GEN1: variants seen among roughly 807,000 people sequenced by gnomAD.
GEN1 encodes the protein GEN1 structure-specific endonuclease.
Under a neutral mutation model 67.6 loss-of-function variants are expected in GEN1, and 64 were observed. The ratio of observed to expected loss-of-function variants is 0.95; its 90% CI spans 0.77 to 1.17. The LOEUF is 1.17. GEN1 is among the 50% of genes most tolerant of loss of function. GEN1 has a pLI of 0.00. For synonymous variants in GEN1, 371 were observed against 359.4 expected (o/e 1.03, Z -0.37); for missense variants, 1,058 against 1,048.3 (o/e 1.01, Z -0.13).
upstream of GEN1, chr2:17,754,116 G>T (rs1248904651): frequency 6.6e-6 from 1 of 152,364 alleles, no homozygotes; most frequent in African/African-American, 2.4e-5. Flanking sequence ...TCCCGGAAGA[G>T]GCGGGGCCGC....
chr2:17,760,643 C>T (rs990165033), intron 2 of GEN1, among the ~76,000 whole-genome samples: 2 of 152,216 alleles, frequency 1.3e-5, no homozygotes, highest in East Asian at 3.9e-4. Flanking sequence ...GTGGTTTGGC[C>T]GCGTGCAGTG....
At chr2:17,776,964 C>T (rs1672461928) in intron 11 of GEN1, among the ~76,000 whole-genome samples, 1 of 152,112 alleles carries the variant, frequency 6.6e-6, no homozygotes, top group South Asian at 2.1e-4. Context: ...CTGTCTACTA[C>T]AAATACAAAA....
At chr2:17,762,965 A>G (rs936711228) in intron 3 of GEN1, among the ~76,000 whole-genome samples, 6 of 152,214 alleles carry the variant, frequency 3.9e-5, no homozygotes, top group Non-Finnish European at 8.8e-5. Context: ...AAGATATTTA[A>G]TATGCATTTG....
At chr2:17,770,227 A>G (rs1350625737) in intron 6 of GEN1, among the ~76,000 whole-genome samples, 1 of 152,204 alleles carries the variant, frequency 6.6e-6, no homozygotes, top group African/African-American at 2.4e-5. Flanking sequence ...AGCACTGTTG[A>G]CACTTGAAAA....
intron 1 of GEN1, among the ~76,000 whole-genome samples, chr2:17,759,387 T>G (rs1036995453): frequency 2.0e-5 from 3 of 152,232 alleles, no homozygotes; most frequent in African/African-American, 7.2e-5. Flanking sequence ...TTAAAAGTTA[T>G]AAGTGATTAA....
At position 17,784,227 on chromosome 2, in the gene GEN1, TAAAAATTTTCAG is replaced by T. The variant is rs1369329779; in HGVS notation, c.*2289_*2300del. The T allele has an allele frequency of 1.3e-5, 2 of 152,266 alleles. No individual in the cohort carries two copies. The highest frequency in any genetic ancestry group is 1.3e-4 in the Admixed American group (2 of 15,304). The allele number at this position is 152,266 out of a possible 1,614,324, so 9.4% of individuals were successfully genotyped here. A position where few individuals can be genotyped will look rare whatever the true frequency, so the allele number is the denominator to read the frequency against. ...AATACAAATGACCAAGAAGCACATT[TAAAAATTTTCAG>T]TACTATTACTCATCAGGAAAATGCA... On this transcript the variant is annotated 3_prime_UTR_variant, in exon 14 of 14. Coordinates refer to ENST00000381254, the MANE Select transcript of GEN1 (RefSeq NM_001130009.3).
chr2:17,781,535 T>G lies in GEN1; in HGVS notation c.2323T>G (p.Leu775Val). The change falls in exon 14 of 14, where the codon TTA becomes GTA. Residue 775 changes from leucine (L) to valine (V), a missense_variant. Coordinates refer to ENST00000381254, the MANE Select transcript of GEN1 (RefSeq NM_001130009.3). Reference protein sequence around the residue: ...TCNVRPPNTALDHSRKVDMQT... With the variant: ...TCNVRPPNTAVDHSRKVDMQT... ...CAATGTTAGACCACCAAATACTGCT[T>G]TAGATCATAGTAGAAAAGTTGATAT... 6.2e-7 allele frequency: 1 copy of G among 1,613,850 alleles called. No homozygotes were observed. Among genetic ancestry groups the G allele is most frequent in the Non-Finnish European group, 8.5e-7 (1 of 1,179,956 alleles).
At chr2:17,772,527 C>A in intron 7 of GEN1, 107 bp from the exon 8 acceptor site, 1 of 826,880 alleles carries the variant, frequency 1.2e-6, no homozygotes, top group Non-Finnish European at 1.9e-6. Flanking sequence ...AGGTAGTGTG[C>A]TAGGCAATAT....
chr2:17,758,846 C>T (rs1439609076), intron 1 of GEN1, among the ~76,000 whole-genome samples: 3 of 150,636 alleles, frequency 2.0e-5, no homozygotes, highest in East Asian at 1.9e-4. Context: ...AGAGCGAGAC[C>T]CTGTCTCAAA....
chr2:17,773,300 G>T lies in GEN1; in HGVS notation c.1071+1G>T, dbSNP rs1023467720. 1.9e-6 allele frequency: 3 copies of T among 1,546,748 alleles called. No individual in the cohort carries two copies. Among genetic ancestry groups the T allele is most frequent in the Middle Eastern group, 2.2e-4 (1 of 4,480 alleles). ...AAGACCTGATTTGTTATTGTTTCAGGTATCTGAAAATAAATTCTTCTTTAC... is the reference window on the plus strand; with the variant it reads ...AAGACCTGATTTGTTATTGTTTCAGTTATCTGAAAATAAATTCTTCTTTAC... On this transcript the variant is annotated splice_donor_variant, in intron 10 of 13. Transcript: ENST00000381254. LOFTEE classifies it high-confidence loss of function.
intron 12 of GEN1, among the ~76,000 whole-genome samples, chr2:17,779,765 C>T (rs1263014585): frequency 9.9e-5 from 15 of 152,078 alleles, no homozygotes; most frequent in Non-Finnish European, 2.2e-4. Flanking sequence ...GCATGCCCGG[C>T]TAATTTTTGT....
At chr2:17,754,899 A>G (rs912371170) in intron 1 of GEN1, 11 of 152,164 alleles carry the variant, frequency 7.2e-5, no homozygotes, top group Non-Finnish European at 7.3e-5. Context: ...TCTCAACCCC[A>G]CACTCCCGCT....
At chr2:17,760,152 T>A in intron 2 of GEN1, 48 bp downstream of exon 2, 1 of 1,520,976 alleles carries the variant, frequency 6.6e-7, no homozygotes, top group East Asian at 2.3e-5. Context: ...ATAAACAGTC[T>A]TGGTATCTTG....
Position 17,779,978 on chromosome 2 carries a change from A to G in GEN1, c.1265A>G (p.Glu422Gly). Residue 422 changes from glutamate to glycine, a missense_variant and splice_region_variant, in exon 13 of 14, where the codon GAA becomes GGA. Coordinates refer to ENST00000381254, the MANE Select transcript of GEN1 (RefSeq NM_001130009.3). Reference sequence around the variant, plus strand: ...CTTTGCTGTATTTTTAATCTTTTAGAACATTATGCTATGGAAGATAAACAA... The same window carrying G: ...CTTTGCTGTATTTTTAATCTTTTAGGACATTATGCTATGGAAGATAAACAA... ...HCFEIEWEKP[E>G]HYAMEDKQHG... 1 of 1,597,352 alleles carries G rather than the reference A, an allele frequency of 6.3e-7. No individual in the cohort carries two copies. Among genetic ancestry groups the G allele is most frequent in the Non-Finnish European group, 8.6e-7 (1 of 1,168,498 alleles).
upstream of GEN1, chr2:17,753,571 G>C (rs981834491): frequency 2.6e-5 from 4 of 152,366 alleles, no homozygotes; most frequent in African/African-American, 9.6e-5. Context: ...GGGGGCAGCG[G>C]GCGGAGGATG....
chr2:17,773,658 A>C (rs1317585961), intron 10 of GEN1, among the ~76,000 whole-genome samples: 1 of 152,218 alleles, frequency 6.6e-6, no homozygotes, highest in South Asian at 2.1e-4. Flanking sequence ...AATGACCTAA[A>C]TTTAAATTTG....
rs1000854661 is a variant in GEN1 at position 17,762,378 on chromosome 2, G to GT, written c.348+806dup. 4.2e-3 allele frequency among the ~76,000 whole-genome samples: 610 copies of GT among 143,584 alleles called. 1 individual carries two copies. Among genetic ancestry groups the GT allele is most frequent in the African/African-American group, 1.0e-2 (391 of 39,186 alleles). 94.2% of individuals were successfully genotyped at this position (143,584 alleles called of 152,430 possible). A position where few individuals can be genotyped will look rare whatever the true frequency, so the allele number is the denominator to read the frequency against. Reference sequence around the variant, plus strand: ...CACCACACCTGGCTAAGTTTTTTTTGTTTTTTTTTTAGTAGAGACAGGGTT... The same window carrying GT: ...CACCACACCTGGCTAAGTTTTTTTTGTTTTTTTTTTTAGTAGAGACAGGGTT... On this transcript the variant is annotated intron_variant, in intron 3 of 13. Coordinates refer to ENST00000381254, the MANE Select transcript of GEN1 (RefSeq NM_001130009.3).
Position 17,781,406 on chromosome 2 carries a change from T to A in GEN1, c.2194T>A (p.Ser732Thr), listed in dbSNP as rs770262333. 5 of 1,613,636 alleles carry A rather than the reference T, an allele frequency of 3.1e-6. No individual in the cohort carries two copies. Among genetic ancestry groups the A allele is most frequent in the Non-Finnish European group, 4.2e-6 (5 of 1,179,904 alleles). ...DLPGIPLQNE[S>T]RDSKILKGDQ... ...TCCAGGAATTCCCTTGCAAAATGAA[T>A]CCAGAGACTCTAAAATTCTAAAAGG... Residue 732 changes from serine to threonine, a missense_variant, in exon 14 of 14, where the codon TCC becomes ACC. By Grantham distance (58) the Ser-to-Thr change is moderately conservative. Transcript: ENST00000381254.
At chr2:17,757,246 CTTTT>C (rs74754657) in intron 1 of GEN1, among the ~76,000 whole-genome samples, 122 of 127,700 alleles carry the variant, frequency 9.6e-4, no homozygotes, top group African/African-American at 3.3e-3. Context: ...CAGTGCTGGA[CTTTT>C]TTTTTTTTTT....
Sources: allele counts gnomAD v4.1 joint callset (sites outside exome capture counted in the v4.1 genomes callset), GRCh38; gene constraint gnomAD v4.1.1; transcripts MANE v1.5; gene names NCBI Gene and HGNC (gene_info 2026-07-23, HGNC 2026-07-21).